Variants in SORCS1 observed in about 807,000 individuals in gnomAD.
SORCS1 encodes the protein sortilin related VPS10 domain containing receptor 1.
Under a neutral mutation model 146.1 loss-of-function variants are expected in SORCS1, and 60 were observed. The observed-to-expected ratio is 0.41, with a 90% CI of 0.33 to 0.51. The LOEUF (loss-of-function observed/expected upper bound fraction) is 0.51. Ranked by LOEUF, SORCS1 falls within the 20% of genes least tolerant of loss-of-function variation. SORCS1 has a pLI of 0.21. For missense variants in SORCS1, 1,352 were observed against 1,487.6 expected (o/e 0.91, Z 1.50); for synonymous variants, 637 against 584.0 (o/e 1.09, Z -1.31).
At chr10:107,002,977 C>A (rs1339858970) in intron 1 of SORCS1, among the ~76,000 whole-genome samples, 1 of 152,004 alleles carries the variant, frequency 6.6e-6, no homozygotes, top group Admixed American at 6.6e-5. Flanking sequence ...TGTTCTAGGC[C>A]GAGTGTGGTG....
chr10:106,698,052 A>G (rs1853841409), intron 9 of SORCS1, among the ~76,000 whole-genome samples: 2 of 152,202 alleles, frequency 1.3e-5, no homozygotes, highest in Admixed American at 1.3e-4. Flanking sequence ...ACTAGACCCT[A>G]TGCTAGTCTG....
At chr10:106,753,738 T>G (rs2136202627) in intron 5 of SORCS1, among the ~76,000 whole-genome samples, 1 of 150,962 alleles carries the variant, frequency 6.6e-6, no homozygotes, top group Non-Finnish European at 1.5e-5. Flanking sequence ...TGGATATGGA[T>G]AAAGTATCTG....
At chr10:106,927,487 G>A (rs922126683) in intron 2 of SORCS1, among the ~76,000 whole-genome samples, 1 of 152,102 alleles carries the variant, frequency 6.6e-6, no homozygotes, top group African/African-American at 2.4e-5. Context: ...AAGACTTATT[G>A]CAAAGAGCGA....
intron 9 of SORCS1, among the ~76,000 whole-genome samples, chr10:106,697,475 A>G (rs941580683): frequency 6.6e-6 from 1 of 152,094 alleles, no homozygotes; most frequent in Non-Finnish European, 1.5e-5. Flanking sequence ...AAATAAATAA[A>G]TAAAAGACAA....
chr10:106,890,099 G>A (rs922135672), intron 2 of SORCS1, among the ~76,000 whole-genome samples: 4 of 151,982 alleles, frequency 2.6e-5, no homozygotes, highest in African/African-American at 7.3e-5. Flanking sequence ...TAAAGTTACC[G>A]GGATGGCAAG....
intron 5 of SORCS1, 112 bp from the exon 6 acceptor site, chr10:106,730,226 A>C (rs1332834632): frequency 4.4e-6 from 4 of 899,118 alleles, no homozygotes; most frequent in Non-Finnish European, 7.2e-6. Context: ...ATCTAAACCC[A>C]CAATCCTTAG....
intron 3 of SORCS1, among the ~76,000 whole-genome samples, chr10:106,821,115 G>C (rs1352221910): frequency 6.6e-6 from 1 of 152,094 alleles, no homozygotes; most frequent in Non-Finnish European, 1.5e-5. Flanking sequence ...CTTCCAAAAG[G>C]TTTCCTTTTG....
intron 1 of SORCS1, among the ~76,000 whole-genome samples, chr10:107,154,250 G>A (rs528733246): frequency 6.6e-5 from 10 of 152,068 alleles, no homozygotes; most frequent in South Asian, 2.1e-4. Context: ...TGATCTGCCC[G>A]CCTCAGCCTC....
At chr10:107,062,064 T>C (rs1468507942) in intron 1 of SORCS1, among the ~76,000 whole-genome samples, 1 of 152,106 alleles carries the variant, frequency 6.6e-6, no homozygotes, top group African/African-American at 2.4e-5. Context: ...AAGTCCCTCA[T>C]CTTTAGATGA....
chr10:106,624,395 C>CT (rs1847958538), intron 19 of SORCS1, among the ~76,000 whole-genome samples: 1 of 138,364 alleles, frequency 7.2e-6, no homozygotes, highest in Non-Finnish European at 1.5e-5. Context: ...GAGTTTCGCT[C>CT]TGTCACCCAG....
intron 5 of SORCS1, among the ~76,000 whole-genome samples, chr10:106,752,331 C>A (rs1858318664): frequency 1.3e-5 from 2 of 152,100 alleles, no homozygotes; most frequent in South Asian, 2.1e-4. Context: ...TCGTATACGG[C>A]CAGAAAGATC....
At chr10:107,119,807 T>C (rs1226229808) in intron 1 of SORCS1, among the ~76,000 whole-genome samples, 1 of 152,156 alleles carries the variant, frequency 6.6e-6, no homozygotes, top group East Asian at 1.9e-4. Flanking sequence ...AGGTCACAAG[T>C]TAAGTCAAAA....
At chr10:106,619,762 T>G (rs1482134023) in intron 20 of SORCS1, among the ~76,000 whole-genome samples, 1 of 152,214 alleles carries the variant, frequency 6.6e-6, no homozygotes, top group Non-Finnish European at 1.5e-5. Context: ...TTTTCTCATG[T>G]GCAAAATGAA....
At chr10:106,801,519 T>C (rs1403076191) in intron 3 of SORCS1, among the ~76,000 whole-genome samples, 4 of 149,266 alleles carry the variant, frequency 2.7e-5, no homozygotes, top group African/African-American at 7.4e-5. Flanking sequence ...ACTATTAGTA[T>C]AGCCATTTTT....
At chr10:106,619,457 T>C (rs73360005) in intron 20 of SORCS1, among the ~76,000 whole-genome samples, 474 of 152,256 alleles carry the variant, frequency 3.1e-3, no homozygotes, top group African/African-American at 0.01. Flanking sequence ...ATAAGAGACA[T>C]CGTATTTGAA....
At chr10:106,869,331 A>G (rs1185773501) in intron 2 of SORCS1, among the ~76,000 whole-genome samples, 1 of 152,170 alleles carries the variant, frequency 6.6e-6, no homozygotes, top group Non-Finnish European at 1.5e-5. Context: ...CTGCTTCTCA[A>G]CTCATTCCAT....
chr10:106,985,006 G>T (rs770985743), intron 1 of SORCS1, among the ~76,000 whole-genome samples: 1 of 151,940 alleles, frequency 6.6e-6, no homozygotes, highest in Non-Finnish European at 1.5e-5. Context: ...TGACCAACAC[G>T]GTGAAACCCC....
Position 106,730,249 on chromosome 10 carries a change from C to G in SORCS1, c.960-135G>C, listed in dbSNP as rs188514012. Reference sequence around the variant, plus strand: ...CCACAATCCTTAGAATATATCTACTCTATGTATTTATACAGCCTGACAGTA... The same window carrying G: ...CCACAATCCTTAGAATATATCTACTGTATGTATTTATACAGCCTGACAGTA... On this transcript the variant is annotated intron_variant, in intron 5 of 25. Transcript: ENST00000263054. The G allele has an allele frequency of 4.8e-4, 333 of 699,244 alleles. 1 individual carries two copies. The African/African-American group carries it at 5.2e-3, about 11-fold the overall frequency. The allele number at this position is 699,244 out of a possible 1,614,324, so 43.3% of individuals were successfully genotyped here. A position where few individuals can be genotyped will look rare whatever the true frequency, so the allele number is the denominator to read the frequency against.
At chr10:106,921,161 C>A (rs1353679415) in intron 2 of SORCS1, among the ~76,000 whole-genome samples, 1 of 152,138 alleles carries the variant, frequency 6.6e-6, no homozygotes, top group African/African-American at 2.4e-5. Flanking sequence ...GTTTTTAAAG[C>A]CCCAAATTTG....
Sources: allele counts gnomAD v4.1 joint callset (sites outside exome capture counted in the v4.1 genomes callset), GRCh38; gene constraint gnomAD v4.1.1; transcripts MANE v1.5; gene names NCBI Gene and HGNC (gene_info 2026-07-23, HGNC 2026-07-21).